The following THSD4 variants were observed in gnomAD, a reference collection of about 807,000 sequenced individuals.
The protein encoded by THSD4 is thrombospondin type 1 domain containing 4.
Under a neutral mutation model 119.0 loss-of-function variants are expected in THSD4, and 69 were observed. The ratio of observed to expected loss-of-function variants is 0.58; its 90% CI spans 0.48 to 0.71. The LOEUF is 0.71. Ranked by LOEUF, THSD4 falls within the 30% of genes least tolerant of loss-of-function variation. THSD4 has a pLI of 0.00. For missense variants in THSD4, 1,393 were observed against 1,391.1 expected, an observed-to-expected ratio of 1.00 and a Z score of -0.02; for synonymous variants, 524 against 540.4, an observed-to-expected ratio of 0.97 and a Z score of 0.42.
In THSD4 at chr15:71,425,376, T is replaced by A. The variant is rs551714626; in HGVS notation, c.1152+13553T>A. On this transcript the variant is annotated intron_variant, in intron 7 of 17. Coordinates refer to ENST00000261862, the MANE Select transcript of THSD4 (RefSeq NM_024817.3). Reference sequence around the variant, plus strand: ...TTGTTTATATGTGTTGGGAAAAAAATTTTCTAAGTCTTTTCCCTCTTCTGA... The same window carrying A: ...TTGTTTATATGTGTTGGGAAAAAAAATTTCTAAGTCTTTTCCCTCTTCTGA... Among the ~76,000 whole-genome samples the A allele has an allele frequency of 1.1e-4, 16 of 152,170 alleles. 1 individual carries two copies. The East Asian group carries it at 2.5e-3, about 24-fold the overall frequency.
intron 7 of THSD4, among the ~76,000 whole-genome samples, chr15:71,563,559 A>G (rs774994062): frequency 7.9e-5 from 12 of 152,348 alleles, no homozygotes; most frequent in Non-Finnish European, 1.6e-4. Context: ...GGTTAAGCCA[A>G]ATAACACTTA....
intron 7 of THSD4, among the ~76,000 whole-genome samples, chr15:71,537,460 C>G (rs1428685848): frequency 3.9e-5 from 6 of 152,172 alleles, no homozygotes; most frequent in African/African-American, 1.4e-4. Flanking sequence ...ATACCCCCTT[C>G]CTCTCAAGTC....
intron 7 of THSD4, among the ~76,000 whole-genome samples, chr15:71,599,087 A>C (rs2049960095): frequency 6.6e-6 from 1 of 152,158 alleles, no homozygotes; most frequent in Non-Finnish European, 1.5e-5. Flanking sequence ...AGGTAGGACC[A>C]CTTGACAAAC....
chr15:71,208,823 TTC>T (rs1322318854), intron 3 of THSD4, among the ~76,000 whole-genome samples: 1 of 152,144 alleles, frequency 6.6e-6, no homozygotes, highest in African/African-American at 2.4e-5. Context: ...TGGATGTCGT[TTC>T]TGTTTCCTGC....
At chr15:71,404,598 A>G (rs1202396466) in intron 6 of THSD4, among the ~76,000 whole-genome samples, 1 of 152,202 alleles carries the variant, frequency 6.6e-6, no homozygotes, top group Non-Finnish European at 1.5e-5. Flanking sequence ...CTAATACTCA[A>G]TATGATATCA....
intron 6 of THSD4, among the ~76,000 whole-genome samples, chr15:71,379,546 C>T (rs2140450706): frequency 6.7e-6 from 1 of 148,710 alleles, no homozygotes; most frequent in African/African-American, 2.5e-5. Context: ...GCAAGCTCCG[C>T]CTCCAGGGTT....
chr15:71,329,042 A>G (rs2045385962), intron 6 of THSD4, among the ~76,000 whole-genome samples: 2 of 152,208 alleles, frequency 1.3e-5, no homozygotes, highest in Non-Finnish European at 2.9e-5. Flanking sequence ...TTTAGCTTCA[A>G]GCCAAGCCAG....
At chr15:71,564,726 TATAAC>T (rs2049196867) in intron 7 of THSD4, among the ~76,000 whole-genome samples, 1 of 126,588 alleles carries the variant, frequency 7.9e-6, no homozygotes, top group Non-Finnish European at 1.6e-5. Context: ...TATTGTATAT[TATAAC>T]ATATAATACA....
At chr15:71,460,612 A>C (rs1320330609) in intron 7 of THSD4, among the ~76,000 whole-genome samples, 4 of 152,144 alleles carry the variant, frequency 2.6e-5, no homozygotes, top group Non-Finnish European at 2.9e-5. Flanking sequence ...AAGTCAACAG[A>C]TACTTTTAGA....
At chr15:71,540,455 A>T in intron 7 of THSD4, among the ~76,000 whole-genome samples, 1 of 87,258 alleles carries the variant, frequency 1.1e-5, no homozygotes, top group East Asian at 3.4e-4. Context: ...TTTTTTTTAA[A>T]CGAGTCTCTG....
intron 6 of THSD4, among the ~76,000 whole-genome samples, chr15:71,353,630 A>G (rs1175377300): frequency 6.6e-6 from 1 of 152,222 alleles, no homozygotes; most frequent in East Asian, 1.9e-4. Context: ...TCCCATGTGC[A>G]GCTTTTCTAG....
intron 11 of THSD4, among the ~76,000 whole-genome samples, chr15:71,739,641 T>C (rs1479983356): frequency 6.6e-6 from 1 of 152,152 alleles, no homozygotes; most frequent in South Asian, 2.1e-4. Flanking sequence ...TTCCTTCATA[T>C]ATATGATAAT....
chr15:71,191,013 T>A (rs1417554661), intron 3 of THSD4, among the ~76,000 whole-genome samples: 2 of 152,158 alleles, frequency 1.3e-5, no homozygotes, highest in African/African-American at 4.8e-5. Context: ...ACAGCAATTC[T>A]TCTCTTTGTT....
chr15:71,193,525 C>G lies in THSD4; in HGVS notation c.100-21510C>G, dbSNP rs559819434. On this transcript the variant is annotated intron_variant, in intron 3 of 17. Coordinates refer to ENST00000261862, the MANE Select transcript of THSD4 (RefSeq NM_024817.3). ...GCCCAGGTCACAGAACCTTGGTTAC[C>G]TAAAGGAAGAATGGCCAGGGTTGGT... Among the ~76,000 whole-genome samples, 5 of 152,196 alleles carry G rather than the reference C, an allele frequency of 3.3e-5. No homozygotes were observed. The East Asian group carries it at 9.7e-4, about 30-fold the overall frequency.
At chr15:71,661,405 T>TA (rs2051304233) in intron 8 of THSD4, among the ~76,000 whole-genome samples, 2 of 149,550 alleles carry the variant, frequency 1.3e-5, no homozygotes, top group African/African-American at 5.1e-5. Context: ...TTATTTATTT[T>TA]TTTTTTTTGA....
At chr15:71,476,272 C>T (rs904287557) in intron 7 of THSD4, among the ~76,000 whole-genome samples, 1 of 152,158 alleles carries the variant, frequency 6.6e-6, no homozygotes, top group Non-Finnish European at 1.5e-5. Context: ...CGTGCTATCA[C>T]CCAGGCTGAG....
chr15:71,504,931 C>T (rs1352377686), intron 7 of THSD4, among the ~76,000 whole-genome samples: 1 of 152,164 alleles, frequency 6.6e-6, no homozygotes, highest in Non-Finnish European at 1.5e-5. Context: ...GTTTCATGCC[C>T]TTGACAGTTT....
At chr15:71,117,986 T>C (rs926286998) in intron 1 of THSD4, among the ~76,000 whole-genome samples, 1 of 152,006 alleles carries the variant, frequency 6.6e-6, no homozygotes. Context: ...ACAAGGGGGA[T>C]GTGCAAAACA....
chr15:71,243,483 A>G (rs111910635), intron 5 of THSD4, among the ~76,000 whole-genome samples: 1,901 of 152,280 alleles, frequency 0.012, 39 homozygotes, highest in African/African-American at 0.043. Context: ...TGTAAACACT[A>G]GGTATTGTAG....
Sources: gnomAD v4.1 joint callset for allele counts (sites outside exome capture counted in the v4.1 genomes callset) on GRCh38, gnomAD v4.1.1 for gene constraint, MANE v1.5 for transcripts, NCBI Gene and HGNC (gene_info 2026-07-23, HGNC 2026-07-21) for gene names.